Variants in FBXL17 observed in about 807,000 individuals in gnomAD.
The protein encoded by FBXL17 is F-box/LRR-repeat protein 17.
Under a neutral mutation model 66.2 loss-of-function variants are expected in FBXL17, and 22 were observed. That is an observed-to-expected ratio of 0.33 (90% confidence interval 0.24 to 0.47). The LOEUF is 0.47. Ranked by LOEUF, FBXL17 falls within the 20% of genes least tolerant of loss-of-function variation. The probability of loss-of-function intolerance (pLI) is 1.00; values close to 1 mark genes in which losing one functional copy is unlikely to be tolerated. For missense variants in FBXL17, 878 were observed against 948.2 expected (o/e 0.93, Z 0.97); for synonymous variants, 474 against 400.5 (o/e 1.18, Z -2.19).
intron 2 of FBXL17, 105 bp downstream of exon 2, chr5:108,367,726 T>C (rs1427245085): frequency 2.0e-6 from 2 of 1,012,226 alleles, no homozygotes; most frequent in East Asian, 2.9e-5. Flanking sequence ...ATTACAGTGA[T>C]TTGAACTATC....
At chr5:108,345,042 T>G (rs1488022113) in intron 4 of FBXL17, among the ~76,000 whole-genome samples, 1 of 152,028 alleles carries the variant, frequency 6.6e-6, no homozygotes, top group African/African-American at 2.4e-5. Context: ...TTGGGAAAAT[T>G]CTACATCTAA....
At chr5:107,902,967 TAGAA>T (rs1749624847) in intron 7 of FBXL17, among the ~76,000 whole-genome samples, 1 of 152,166 alleles carries the variant, frequency 6.6e-6, no homozygotes, top group Non-Finnish European at 1.5e-5. Flanking sequence ...GTGAAGAGAA[TAGAA>T]ATTTTGTGTT....
At chr5:108,011,485 T>C (rs6889824) in intron 7 of FBXL17, among the ~76,000 whole-genome samples, 10,817 of 152,030 alleles carry the variant, frequency 0.071, 516 homozygotes, top group African/African-American at 0.13. Flanking sequence ...CAGAGAACAT[T>C]CTTGGAGAGG....
chr5:108,056,217 T>G (rs919546671), intron 6 of FBXL17, among the ~76,000 whole-genome samples: 1 of 152,192 alleles, frequency 6.6e-6, no homozygotes, highest in Non-Finnish European at 1.5e-5. Context: ...TTTAGTTGCC[T>G]TGTGGATGTA....
intron 6 of FBXL17, among the ~76,000 whole-genome samples, chr5:108,097,362 T>C (rs1052138929): frequency 1.3e-5 from 2 of 152,170 alleles, no homozygotes. Context: ...GACTAATACA[T>C]ATATATTACT....
At chr5:107,901,697 C>A (rs886330810) in intron 7 of FBXL17, among the ~76,000 whole-genome samples, 1 of 152,160 alleles carries the variant, frequency 6.6e-6, no homozygotes, top group Non-Finnish European at 1.5e-5. Context: ...TCCTATTGCT[C>A]GCTTTTGATG....
intron 7 of FBXL17, among the ~76,000 whole-genome samples, chr5:107,928,149 C>A (rs1335975254): frequency 6.6e-6 from 1 of 151,916 alleles, no homozygotes; most frequent in Non-Finnish European, 1.5e-5. Flanking sequence ...ACCAGTATAT[C>A]TTAAAATCTG....
At chr5:108,090,277 G>C (rs1013738826) in intron 6 of FBXL17, among the ~76,000 whole-genome samples, 2 of 152,176 alleles carry the variant, frequency 1.3e-5, no homozygotes, top group African/African-American at 4.8e-5. Flanking sequence ...ATTTGATTAT[G>C]GCATACCACA....
In FBXL17 at chr5:108,380,958, G is replaced by T. The variant is rs1212379892; in HGVS notation, c.734C>A (p.Ala245Asp). The change falls in exon 1 of 9, where the codon GCC (alanine) becomes GAC (aspartate). Residue 245 changes from alanine (A) to aspartate (D), a missense_variant. Ala to Asp is a moderately radical substitution (Grantham distance 126, BLOSUM62 -2). Transcript: ENST00000542267. ...CTGCTCCGGGGCCTGGCAGCAGCCGGCGTCGGGGGGCCGGGGCGGCGAAGC... is the reference window on the plus strand; with the variant it reads ...CTGCTCCGGGGCCTGGCAGCAGCCGTCGTCGGGGGGCCGGGGCGGCGAAGC... ...GGASPPRPPD[A>D]GCCQAPEQPP... 3 of 1,221,626 alleles carry T rather than the reference G, an allele frequency of 2.5e-6. No individual in the cohort carries two copies. The highest frequency in any genetic ancestry group is 2.0e-6 in the Non-Finnish European group (2 of 980,460). 75.7% of individuals were successfully genotyped at this position (1,221,626 alleles called of 1,614,324 possible). A position where few individuals can be genotyped will look rare whatever the true frequency, so the allele number is the denominator to read the frequency against.
At chr5:108,160,844 G>GT (rs1342934112) in intron 6 of FBXL17, among the ~76,000 whole-genome samples, 6 of 152,126 alleles carry the variant, frequency 3.9e-5, no homozygotes, top group Non-Finnish European at 7.4e-5. Flanking sequence ...CTGTGGGGAG[G>GT]TAAGAGTCTT....
intron 6 of FBXL17, among the ~76,000 whole-genome samples, chr5:108,154,078 G>A (rs1751871971): frequency 6.6e-6 from 1 of 151,990 alleles, no homozygotes; most frequent in South Asian, 2.1e-4. Flanking sequence ...TGCTAACTGG[G>A]ACATCAGGTA....
At chr5:108,174,068 T>C (rs559857634) in intron 6 of FBXL17, among the ~76,000 whole-genome samples, 71 of 152,302 alleles carry the variant, frequency 4.7e-4, no homozygotes, top group Middle Eastern at 6.8e-3. Flanking sequence ...GTAGCCAATA[T>C]CACCTTTGGA....
intron 7 of FBXL17, among the ~76,000 whole-genome samples, chr5:107,902,819 GT>G (rs199624265): frequency 6.4e-4 from 93 of 145,252 alleles, no homozygotes; most frequent in African/African-American, 9.8e-4. Flanking sequence ...TGCACAAAGT[GT>G]TTTTTTTTTT....
chr5:107,967,361 C>T (rs940096845), intron 7 of FBXL17, among the ~76,000 whole-genome samples: 1 of 151,884 alleles, frequency 6.6e-6, no homozygotes, highest in Admixed American at 6.6e-5. Flanking sequence ...GATGTGCAGG[C>T]ATGGAAGAAC....
At chr5:108,149,390 T>C (rs1457238985) in intron 6 of FBXL17, among the ~76,000 whole-genome samples, 2 of 152,232 alleles carry the variant, frequency 1.3e-5, no homozygotes, top group East Asian at 3.8e-4. Context: ...TACAAATTCT[T>C]TCCTTCAAAG....
chr5:108,242,601 C>G (rs966095232), intron 4 of FBXL17, among the ~76,000 whole-genome samples: 1 of 152,022 alleles, frequency 6.6e-6, no homozygotes, highest in African/African-American at 2.4e-5. Context: ...AATATTTTAG[C>G]TTTTAATTAT....
chr5:107,877,754 C>T (rs1052302707), intron 8 of FBXL17, among the ~76,000 whole-genome samples: 10 of 151,812 alleles, frequency 6.6e-5, no homozygotes, highest in African/African-American at 2.4e-4. Flanking sequence ...CACTGGTGTG[C>T]AGAAACAAGA....
rs555699938 is a variant in FBXL17 at position 108,110,401 on chromosome 5, G to A, written c.1745+75716C>T. Among the ~76,000 whole-genome samples, 15 of 148,624 alleles carry A rather than the reference G, an allele frequency of 1.0e-4. No individual in the cohort carries two copies. The East Asian group carries it at 2.4e-3, about 24-fold the overall frequency. On this transcript the variant is annotated intron_variant, in intron 6 of 8. Transcript: ENST00000542267. ...ACTAGATATTAATGGAAATAATTGCGGTACATCACAGCTATGTCATACAAA... is the reference window on the plus strand; with the variant it reads ...ACTAGATATTAATGGAAATAATTGCAGTACATCACAGCTATGTCATACAAA...
At chr5:107,941,970 G>A (rs545919044) in intron 7 of FBXL17, among the ~76,000 whole-genome samples, 53 of 152,272 alleles carry the variant, frequency 3.5e-4, no homozygotes, top group African/African-American at 1.1e-3. Flanking sequence ...GATTCTGACT[G>A]TTCACTCTCA....
Sources: gnomAD v4.1 joint callset for allele counts (sites outside exome capture counted in the v4.1 genomes callset) on GRCh38, gnomAD v4.1.1 for gene constraint, MANE v1.5 for transcripts, NCBI Gene and HGNC (gene_info 2026-07-23, HGNC 2026-07-21) for gene names.